Variants in LRRC4C observed in about 807,000 individuals in gnomAD.
LRRC4C encodes the protein leucine rich repeat containing 4C.
A neutral mutation model predicts 33.6 loss-of-function variants in LRRC4C; 5 were observed. The observed-to-expected ratio is 0.15, with a 90% CI of 0.08 to 0.31. LRRC4C has a LOEUF of 0.31. LRRC4C is among the 10% of genes least tolerant of loss of function. The pLI, the probability that LRRC4C is intolerant of heterozygous loss-of-function variation, is 1.00. For synonymous variants in LRRC4C, 329 were observed against 302.0 expected (o/e 1.09, Z -0.93); for missense variants, 560 against 796.7 (o/e 0.70, Z 3.58).
Position 41,161,413 on chromosome 11 carries a change from C to T in LRRC4C, c.-495-227690G>A, listed in dbSNP as rs530070070. Among the ~76,000 whole-genome samples the T allele has an allele frequency of 2.6e-5, 4 of 152,258 alleles. No individual in the cohort carries two copies. In the South Asian group the frequency reaches 8.3e-4, roughly 32 times the overall value. On this transcript the variant is annotated intron_variant, in intron 1 of 6. Coordinates refer to ENST00000528697, the MANE Select transcript of LRRC4C (RefSeq NM_001258419.2). ...CATAACATTCATCTTTACACATATG[C>T]TATGTAATATTCTCTTAAGTGCATA...
chr11:40,673,882 A>T (rs10837471), intron 2 of LRRC4C, among the ~76,000 whole-genome samples: 34,198 of 152,100 alleles, frequency 0.22, 4,382 homozygotes, highest in African/African-American at 0.36. Context: ...AATGATGGTC[A>T]CCAAGATACC....
At chr11:41,294,444 C>T (rs1950080854) in intron 1 of LRRC4C, among the ~76,000 whole-genome samples, 1 of 152,276 alleles carries the variant, frequency 6.6e-6, no homozygotes, top group East Asian at 1.9e-4. Flanking sequence ...CTTCCTTCCT[C>T]AACCTTAGGA....
intron 3 of LRRC4C, among the ~76,000 whole-genome samples, chr11:40,522,059 G>A (rs1307913560): frequency 1.3e-5 from 2 of 152,120 alleles, no homozygotes; most frequent in African/African-American, 4.8e-5. Context: ...TTCCCTCTCT[G>A]TCGCCCAGGC....
intron 4 of LRRC4C, among the ~76,000 whole-genome samples, chr11:40,300,638 T>A (rs964684): frequency 6.6e-6 from 1 of 151,938 alleles, no homozygotes; most frequent in African/African-American, 2.4e-5. Context: ...AATAGTACAG[T>A]ATTTGCATGT....
At chr11:40,846,018 ATG>A (rs551758187) in intron 2 of LRRC4C, among the ~76,000 whole-genome samples, 7 of 44,368 alleles carry the variant, frequency 1.6e-4, no homozygotes, top group African/African-American at 3.4e-4. Flanking sequence ...CCACTTTCTG[ATG>A]TTTTTTTTTT....
intron 2 of LRRC4C, among the ~76,000 whole-genome samples, chr11:40,828,193 C>A (rs1338890918): frequency 1.3e-5 from 2 of 149,712 alleles, no homozygotes; most frequent in African/African-American, 4.9e-5. Context: ...AAACTAAATA[C>A]AAAATATATA....
chr11:40,344,695 G>C (rs772991633), intron 3 of LRRC4C, among the ~76,000 whole-genome samples: 2 of 151,880 alleles, frequency 1.3e-5, no homozygotes, highest in African/African-American at 2.4e-5. Context: ...ATTCAAGTAG[G>C]AAGAGAGAAA....
chr11:41,290,776 C>G (rs1048501684), intron 1 of LRRC4C, among the ~76,000 whole-genome samples: 1 of 152,020 alleles, frequency 6.6e-6, no homozygotes, highest in African/African-American at 2.4e-5. Context: ...TGACCATAGA[C>G]CTAGGTTTAT....
chr11:40,639,930 AT>A (rs61055829), intron 3 of LRRC4C, among the ~76,000 whole-genome samples: 1,911 of 149,430 alleles, frequency 0.013, 44 homozygotes, highest in African/African-American at 0.044. Context: ...ACATAGACTG[AT>A]TTTTTTTTTT....
chr11:40,866,169 T>TA (rs34472076), intron 2 of LRRC4C, among the ~76,000 whole-genome samples: 120,591 of 135,242 alleles, frequency 0.89, 54,207 homozygotes, highest in Non-Finnish European at 0.95. Context: ...TAATTCTACT[T>TA]AAAAAAAAAA....
intron 1 of LRRC4C, among the ~76,000 whole-genome samples, chr11:41,040,137 CAAA>C (rs5791415): frequency 5.4e-4 from 52 of 96,294 alleles, no homozygotes; most frequent in African/African-American, 1.3e-3. Context: ...GACTCTGTCT[CAAA>C]AAAAAAAAAA....
intron 2 of LRRC4C, among the ~76,000 whole-genome samples, chr11:40,844,923 G>A (rs1256195740): frequency 1.3e-5 from 2 of 151,966 alleles, no homozygotes; most frequent in African/African-American, 4.8e-5. Context: ...ATTCCACAAT[G>A]TACACATACT....
intron 4 of LRRC4C, among the ~76,000 whole-genome samples, chr11:40,292,015 T>C (rs1944231647): frequency 6.6e-6 from 1 of 151,544 alleles, no homozygotes; most frequent in Non-Finnish European, 1.5e-5. Flanking sequence ...AACTGGCTTA[T>C]CAGAGAGCAG....
At chr11:40,614,809 T>A (rs1358380624) in intron 3 of LRRC4C, among the ~76,000 whole-genome samples, 2 of 151,560 alleles carry the variant, frequency 1.3e-5, no homozygotes, top group Non-Finnish European at 3.0e-5. Flanking sequence ...AGAAGACAGA[T>A]GGGAGAATGG....
intron 1 of LRRC4C, among the ~76,000 whole-genome samples, chr11:41,193,626 T>A (rs2136223481): frequency 6.6e-6 from 1 of 152,218 alleles, no homozygotes; most frequent in South Asian, 2.1e-4. Flanking sequence ...GACACGGATC[T>A]TGATCTAATT....
At chr11:41,107,431 A>T (rs1013159266) in intron 1 of LRRC4C, among the ~76,000 whole-genome samples, 4 of 152,128 alleles carry the variant, frequency 2.6e-5, no homozygotes, top group African/African-American at 9.7e-5. Context: ...CTGAAATATA[A>T]TTTTTCATAG....
rs552944947 is a variant in LRRC4C at position 40,916,118 on chromosome 11, C to A, written c.-407+17517G>T. On this transcript the variant is annotated intron_variant, in intron 2 of 6. Transcript: ENST00000528697. The stretch of plus-strand genomic sequence containing the variant: ...TTGGTGGGACTGCAAACTAGTTCAA[C>A]CATTGTGGAAGTCAGTGTAGCGATT... Among the ~76,000 whole-genome samples, 58 of 152,274 alleles carry A rather than the reference C, an allele frequency of 3.8e-4. 1 individual carries two copies. The highest frequency in any genetic ancestry group is 6.5e-4 in the Admixed American group (10 of 15,302).
At chr11:40,501,027 C>G (rs1415367176) in intron 3 of LRRC4C, among the ~76,000 whole-genome samples, 1 of 152,114 alleles carries the variant, frequency 6.6e-6, no homozygotes, top group Non-Finnish European at 1.5e-5. Flanking sequence ...GGCCAAAATA[C>G]AGAGGCTACA....
intron 1 of LRRC4C, among the ~76,000 whole-genome samples, chr11:41,047,589 TA>T (rs1412380594): frequency 6.6e-6 from 1 of 152,048 alleles, no homozygotes; most frequent in Non-Finnish European, 1.5e-5. Context: ...TTTAATAAAA[TA>T]AAAAATTTAA....
Sources: allele counts gnomAD v4.1 joint callset (sites outside exome capture counted in the v4.1 genomes callset), GRCh38; gene constraint gnomAD v4.1.1; transcripts MANE v1.5; gene names NCBI Gene and HGNC (gene_info 2026-07-23, HGNC 2026-07-21).